Variants in NMNAT2 observed in about 807,000 individuals in gnomAD.
NMNAT2 encodes nicotinamide/nicotinic acid mononucleotide adenylyltransferase 2.
A neutral mutation model predicts 41.6 loss-of-function variants in NMNAT2; 11 were observed. The observed-to-expected ratio is 0.26, with a 90% CI of 0.17 to 0.44. NMNAT2 has a LOEUF of 0.44. NMNAT2 is among the 20% of genes least tolerant of loss of function. NMNAT2 has a pLI of 1.00. For missense variants in NMNAT2, 288 were observed against 407.7 expected (o/e 0.71, Z 2.53); for synonymous variants, 148 against 151.2 (o/e 0.98, Z 0.16).
At chr1:183,261,721 C>T (rs576459671) in intron 8 of NMNAT2, among the ~76,000 whole-genome samples, 11 of 152,214 alleles carry the variant, frequency 7.2e-5, no homozygotes, top group East Asian at 3.9e-4. Context: ...CTCAGATGGA[C>T]GTCATGAGAG....
chr1:183,357,160 G>A (rs1223029271), intron 1 of NMNAT2, among the ~76,000 whole-genome samples: 1 of 151,758 alleles, frequency 6.6e-6, no homozygotes, highest in African/African-American at 2.4e-5. Flanking sequence ...CAATACACAG[G>A]AGAAGATGGG....
intron 1 of NMNAT2, among the ~76,000 whole-genome samples, chr1:183,345,688 CTT>C (rs5779171): frequency 1.5e-3 from 177 of 121,946 alleles, no homozygotes; most frequent in Admixed American, 1.9e-3. Flanking sequence ...ATATCCTTTT[CTT>C]TTTTTTTTTT....
At chr1:183,417,471 G>C (rs923195738) in intron 1 of NMNAT2, among the ~76,000 whole-genome samples, 7 of 152,120 alleles carry the variant, frequency 4.6e-5, no homozygotes, top group Admixed American at 6.5e-5. Context: ...CTTCGGCTCC[G>C]GCTCGCGCAG....
intron 8 of NMNAT2, among the ~76,000 whole-genome samples, chr1:183,277,786 A>C (rs1661159873): frequency 6.6e-6 from 1 of 152,200 alleles, no homozygotes; most frequent in South Asian, 2.1e-4. Flanking sequence ...ATTAAAAACA[A>C]ACAAACAAAC....
intron 1 of NMNAT2, among the ~76,000 whole-genome samples, chr1:183,347,111 C>A (rs1662947237): frequency 6.6e-6 from 1 of 152,140 alleles, no homozygotes; most frequent in Non-Finnish European, 1.5e-5. Flanking sequence ...TATTCCATCA[C>A]TACTATAGAG....
At chr1:183,306,756 C>T (rs1359589066) in intron 1 of NMNAT2, among the ~76,000 whole-genome samples, 1 of 152,162 alleles carries the variant, frequency 6.6e-6, no homozygotes, top group Non-Finnish European at 1.5e-5. Context: ...ATACTAACCT[C>T]CCCCTAGAGG....
chr1:183,370,233 C>T (rs1663504117), intron 1 of NMNAT2, among the ~76,000 whole-genome samples: 1 of 142,584 alleles, frequency 7.0e-6, no homozygotes, highest in African/African-American at 2.8e-5. Flanking sequence ...TACACACACA[C>T]ACACACACAC....
intron 1 of NMNAT2, among the ~76,000 whole-genome samples, chr1:183,361,274 T>C (rs1252153053): frequency 1.3e-5 from 2 of 152,188 alleles, no homozygotes; most frequent in African/African-American, 2.4e-5. Flanking sequence ...CCCATCGCCA[T>C]GTGGTCCACA....
intron 1 of NMNAT2, chr1:183,304,761 C>T (rs1661957619): frequency 6.2e-7 from 1 of 1,613,712 alleles, no homozygotes; most frequent in East Asian, 2.2e-5. Context: ...GTTTTTGCAG[C>T]CACTACTTGC....
chr1:183,372,779 A>G (rs2101911792), intron 1 of NMNAT2, among the ~76,000 whole-genome samples: 1 of 152,336 alleles, frequency 6.6e-6, no homozygotes, highest in South Asian at 2.1e-4. Flanking sequence ...CAGGGCTTCA[A>G]GGCATGTTGT....
chr1:183,416,089 T>C (rs1449268189), intron 1 of NMNAT2, among the ~76,000 whole-genome samples: 1 of 152,246 alleles, frequency 6.6e-6, no homozygotes, highest in Non-Finnish European at 1.5e-5. Context: ...CTCAGGTCTA[T>C]TTCCACATAG....
intron 1 of NMNAT2, among the ~76,000 whole-genome samples, chr1:183,360,699 T>C (rs777118053): frequency 2.0e-5 from 3 of 152,194 alleles, no homozygotes; most frequent in Non-Finnish European, 4.4e-5. Context: ...AACGAATCTA[T>C]AAAATTGGCA....
intron 1 of NMNAT2, among the ~76,000 whole-genome samples, chr1:183,369,576 C>T (rs1229366269): frequency 6.6e-6 from 1 of 152,102 alleles, no homozygotes; most frequent in Admixed American, 6.5e-5. Flanking sequence ...CGCACCCAGC[C>T]TATTCTTTTT....
chr1:183,328,840 T>C (rs1429401335), intron 1 of NMNAT2, among the ~76,000 whole-genome samples: 1 of 152,196 alleles, frequency 6.6e-6, no homozygotes, highest in Non-Finnish European at 1.5e-5. Context: ...CATCAGTTGA[T>C]TGGACTATAA....
chr1:183,268,633 T>C (rs1287266206), intron 8 of NMNAT2, among the ~76,000 whole-genome samples: 1 of 152,194 alleles, frequency 6.6e-6, no homozygotes, highest in Non-Finnish European at 1.5e-5. Context: ...ATTGAGCATG[T>C]ATATGGTGAA....
chr1:183,388,599 C>A (rs1389323867), intron 1 of NMNAT2, among the ~76,000 whole-genome samples: 1 of 152,214 alleles, frequency 6.6e-6, no homozygotes, highest in Non-Finnish European at 1.5e-5. Context: ...TAAATGTTTG[C>A]AACCACTAGT....
At chr1:183,294,755 A>T (rs1467350661) in intron 1 of NMNAT2, among the ~76,000 whole-genome samples, 1 of 152,144 alleles carries the variant, frequency 6.6e-6, no homozygotes, top group Non-Finnish European at 1.5e-5. Context: ...GTGCCACTGC[A>T]CTCCAGCCTG....
chr1:183,330,487 A>G (rs1662558131), intron 1 of NMNAT2, among the ~76,000 whole-genome samples: 2 of 152,084 alleles, frequency 1.3e-5, no homozygotes, highest in Admixed American at 1.3e-4. Context: ...CTGCTTCACC[A>G]TGGTCCCTAC....
rs1413127248 is a variant in NMNAT2, at chr1:183,249,440, T to C, written c.*3201A>G. ...AAGCTCCAGACCCCTCTGGACATGA[T>C]TGTTCCAGTCCATGCCTTTCTCACA... On this transcript the variant is annotated 3_prime_UTR_variant, in exon 11 of 11. Transcript: ENST00000287713. The C allele has an allele frequency of 6.6e-6, 1 of 152,232 alleles. No individual in the cohort carries two copies. The highest frequency in any genetic ancestry group is 2.4e-5 in the African/African-American group (1 of 41,460). The allele number at this position is 152,232 out of a possible 1,614,324, so 9.4% of individuals were successfully genotyped here.
Sources: gnomAD v4.1 joint callset for allele counts (sites outside exome capture counted in the v4.1 genomes callset) on GRCh38, gnomAD v4.1.1 for gene constraint, MANE v1.5 for transcripts, NCBI Gene and HGNC (gene_info 2026-07-23, HGNC 2026-07-21) for gene names.